STAU2: variants seen among roughly 807,000 people sequenced by gnomAD.
The protein encoded by STAU2 is staufen double-stranded RNA binding protein 2, also known as double-stranded RNA-binding protein Staufen homolog 2.
A neutral mutation model predicts 65.9 loss-of-function variants in STAU2; 20 were observed. The ratio of observed to expected loss-of-function variants is 0.30; its 90% CI spans 0.21 to 0.44. The LOEUF (loss-of-function observed/expected upper bound fraction) is 0.44. STAU2 is among the 20% of genes least tolerant of loss of function. The pLI is 1.00. For synonymous variants in STAU2, 232 were observed against 233.9 expected (o/e 0.99, Z 0.07); for missense variants, 558 against 683.9 (o/e 0.82, Z 2.05).
chr8:73,587,979 T>C (rs1026315960), intron 11 of STAU2, among the ~76,000 whole-genome samples: 6 of 151,916 alleles, frequency 3.9e-5, no homozygotes, highest in African/African-American at 1.2e-4. Flanking sequence ...CAAAAAAGAG[T>C]AGTCATGTCT....
chr8:73,569,380 G>A (rs1841002049), intron 12 of STAU2, among the ~76,000 whole-genome samples: 1 of 152,090 alleles, frequency 6.6e-6, no homozygotes. Flanking sequence ...CCACCTCCGG[G>A]GGCAGGGCAT....
intron 13 of STAU2, among the ~76,000 whole-genome samples, chr8:73,493,962 G>T (rs1045624057): frequency 4.0e-5 from 6 of 151,886 alleles, no homozygotes; most frequent in Non-Finnish European, 5.9e-5. Context: ...GCTTTACTGA[G>T]TAAAAGGAAC....
At chr8:73,632,003 AGAGGGAGG>A (rs993201310) in intron 6 of STAU2, among the ~76,000 whole-genome samples, 1 of 129,088 alleles carries the variant, frequency 7.7e-6, no homozygotes, top group Non-Finnish European at 1.6e-5. Context: ...AGGGGGGAGG[AGAGGGAGG>A]GAGGGAGGGA....
intron 10 of STAU2, among the ~76,000 whole-genome samples, chr8:73,595,551 T>C (rs1811120802): frequency 6.6e-6 from 1 of 152,170 alleles, no homozygotes; most frequent in Non-Finnish European, 1.5e-5. Flanking sequence ...TATATTTATA[T>C]GCTATTTGAT....
chr8:73,614,779 T>C (rs1812716468), intron 8 of STAU2, among the ~76,000 whole-genome samples: 1 of 152,212 alleles, frequency 6.6e-6, no homozygotes, highest in South Asian at 2.1e-4. Flanking sequence ...TTTTTTAGTA[T>C]AAGCAATTAC....
intron 13 of STAU2, among the ~76,000 whole-genome samples, chr8:73,459,388 T>C (rs1200343265): frequency 6.6e-6 from 1 of 152,216 alleles, no homozygotes; most frequent in Non-Finnish European, 1.5e-5. Flanking sequence ...TTCCAGTCTA[T>C]AGAAATAGCC....
intron 13 of STAU2, among the ~76,000 whole-genome samples, chr8:73,476,072 G>A (rs1037529630): frequency 5.3e-5 from 8 of 152,148 alleles, no homozygotes; most frequent in Non-Finnish European, 1.2e-4. Flanking sequence ...TATGTTAACA[G>A]TACTTGAAAA....
chr8:73,687,331 ATATAAT>A (rs1192044157), intron 5 of STAU2, among the ~76,000 whole-genome samples: 1 of 104,684 alleles, frequency 9.6e-6, no homozygotes, highest in African/African-American at 3.5e-5. Flanking sequence ...ATATTTATAA[ATATAAT>A]TTATATTTAT....
At chr8:73,689,927 C>T (rs1819207148) in intron 4 of STAU2, among the ~76,000 whole-genome samples, 1 of 151,164 alleles carries the variant, frequency 6.6e-6, no homozygotes, top group Non-Finnish European at 1.5e-5. Context: ...AGGGAAACAA[C>T]CAGAGAGATC....
chr8:73,641,832 C>T (rs1036611363), intron 6 of STAU2, among the ~76,000 whole-genome samples: 1 of 152,124 alleles, frequency 6.6e-6, no homozygotes, highest in Non-Finnish European at 1.5e-5. Flanking sequence ...ATAAACATCC[C>T]TTTGGGTTCT....
At chr8:73,639,466 C>T (rs908586269) in intron 6 of STAU2, among the ~76,000 whole-genome samples, 27 of 151,990 alleles carry the variant, frequency 1.8e-4, no homozygotes, top group Admixed American at 9.8e-4. Context: ...GGAAGCCTAG[C>T]AACATATTCT....
chr8:73,509,708 T>C (rs1822278597), intron 13 of STAU2, among the ~76,000 whole-genome samples: 1 of 150,278 alleles, frequency 6.7e-6, no homozygotes, highest in African/African-American at 2.4e-5. Flanking sequence ...GCCACATATT[T>C]TCCTTATGTG....
At chr8:73,571,212 T>C (rs1308332776) in intron 12 of STAU2, among the ~76,000 whole-genome samples, 1 of 152,190 alleles carries the variant, frequency 6.6e-6, no homozygotes, top group East Asian at 1.9e-4. Context: ...TAAATATATA[T>C]GCACCCAATA....
intron 6 of STAU2, among the ~76,000 whole-genome samples, chr8:73,663,090 A>G (rs538232797): frequency 6.6e-6 from 1 of 152,262 alleles, no homozygotes; most frequent in African/African-American, 2.4e-5. Context: ...AAACTTCTGT[A>G]AAGGGCCCAA....
At chr8:73,637,501 AAAAAG>A (rs1814628136) in intron 6 of STAU2, among the ~76,000 whole-genome samples, 1 of 140,476 alleles carries the variant, frequency 7.1e-6, no homozygotes, top group African/African-American at 2.7e-5. Context: ...AAAAAAAAAA[AAAAAG>A]AAAAGAAAAA....
chr8:73,518,605 T>C (rs1349242668), intron 13 of STAU2, among the ~76,000 whole-genome samples: 1 of 152,230 alleles, frequency 6.6e-6, no homozygotes, highest in Admixed American at 6.5e-5. Context: ...TTTCTTGTGA[T>C]ATTTTTCAGC....
intron 13 of STAU2, chr8:73,549,799 TTTA>T: frequency 1.0e-6 from 1 of 985,410 alleles, no homozygotes; most frequent in East Asian, 1.1e-4. Flanking sequence ...AGAAAAAGAA[TTTA>T]TTGTTTTTAA....
At chr8:73,729,789 T>C (rs570319303) in intron 3 of STAU2, among the ~76,000 whole-genome samples, 5 of 152,362 alleles carry the variant, frequency 3.3e-5, no homozygotes, top group African/African-American at 1.2e-4. Flanking sequence ...TTTCTAAAAC[T>C]GTGTCCATTT....
chr8:73,747,360 C>G (rs1205259867), upstream of STAU2: 6 of 1,535,190 alleles, frequency 3.9e-6, no homozygotes, highest in East Asian at 1.5e-4. Context: ...CTGGTCCGCA[C>G]CCTGTGCTCT....
Sources: gnomAD v4.1 joint callset for allele counts (sites outside exome capture counted in the v4.1 genomes callset) on GRCh38, gnomAD v4.1.1 for gene constraint, MANE v1.5 for transcripts, NCBI Gene and HGNC (gene_info 2026-07-23, HGNC 2026-07-21) for gene names.